PIP4K2A: variants seen among roughly 807,000 people sequenced by gnomAD.
PIP4K2A encodes phosphatidylinositol 5-phosphate 4-kinase type-2 alpha.
A neutral mutation model predicts 42.9 loss-of-function variants in PIP4K2A; 14 were observed. That is an observed-to-expected ratio of 0.33 (90% CI 0.22 to 0.51). The LOEUF (loss-of-function observed/expected upper bound fraction) is 0.51, where lower values mean the gene tolerates loss of function less well. PIP4K2A is among the 20% of genes least tolerant of loss of function. The probability of loss-of-function intolerance (pLI) is 0.97; values close to 1 mark genes in which losing one functional copy is unlikely to be tolerated. For missense variants in PIP4K2A, 434 were observed against 519.8 expected, an observed-to-expected ratio of 0.83 and a Z score of 1.61; for synonymous variants, 192 against 192.2, an observed-to-expected ratio of 1.00 and a Z score of 0.01.
intron 1 of PIP4K2A, among the ~76,000 whole-genome samples, chr10:22,646,022 T>G (rs1838874288): frequency 6.6e-6 from 1 of 152,182 alleles, no homozygotes; most frequent in Non-Finnish European, 1.5e-5. Flanking sequence ...GTGCCCAGCC[T>G]AATAATATAA....
chr10:22,550,657 A>C lies in PIP4K2A; in HGVS notation c.792+2T>G, dbSNP rs1836387949. 2.7e-6 allele frequency: 4 copies of C among 1,468,488 alleles called. No individual in the cohort carries two copies. Among genetic ancestry groups the C allele is most frequent in the Non-Finnish European group, 3.8e-6 (4 of 1,046,210 alleles). The allele number at this position is 1,468,488 out of a possible 1,614,324, so 91.0% of individuals were successfully genotyped here. On this transcript the variant is annotated splice_donor_variant, in intron 7 of 9. Transcript: ENST00000376573. LOFTEE classifies it high-confidence loss of function. The stretch of plus-strand genomic sequence containing the variant: ...TCTGGCCTCTCCACTGACTGTTCTT[A>C]CCTCAACATCCTTTTTTAGTTTTTC...
chr10:22,662,275 C>T (rs1839217055), intron 1 of PIP4K2A, among the ~76,000 whole-genome samples: 1 of 152,206 alleles, frequency 6.6e-6, no homozygotes, highest in Middle Eastern at 3.2e-3. Flanking sequence ...CCATCACTTA[C>T]ATCTATCTTC....
At chr10:22,712,375 T>G (rs1397845841) in intron 1 of PIP4K2A, among the ~76,000 whole-genome samples, 1 of 152,164 alleles carries the variant, frequency 6.6e-6, no homozygotes, top group East Asian at 1.9e-4. Context: ...AGCATATTGT[T>G]GACACTACCT....
At chr10:22,619,897 G>A (rs534724672) in intron 1 of PIP4K2A, among the ~76,000 whole-genome samples, 47 of 152,264 alleles carry the variant, frequency 3.1e-4, no homozygotes, top group African/African-American at 1.1e-3. Flanking sequence ...GCCAAATAAA[G>A]TTATTCTGAT....
intron 1 of PIP4K2A, among the ~76,000 whole-genome samples, chr10:22,616,594 C>T (rs1004976982): frequency 6.6e-6 from 1 of 152,100 alleles, no homozygotes; most frequent in East Asian, 1.9e-4. Flanking sequence ...TTTCAAATTC[C>T]TAACAGCCAG....
At chr10:22,679,102 C>T (rs1354604578) in intron 1 of PIP4K2A, among the ~76,000 whole-genome samples, 1 of 152,182 alleles carries the variant, frequency 6.6e-6, no homozygotes, top group African/African-American at 2.4e-5. Flanking sequence ...TCAAAATTTA[C>T]ACCTAATGCT....
chr10:22,542,559 G>A (rs1377303635), intron 7 of PIP4K2A, among the ~76,000 whole-genome samples: 1 of 152,198 alleles, frequency 6.6e-6, no homozygotes, highest in Non-Finnish European at 1.5e-5. Context: ...TCCACATCTG[G>A]TGAGTAATGC....
intron 1 of PIP4K2A, among the ~76,000 whole-genome samples, chr10:22,664,782 A>C (rs1324861815): frequency 6.6e-6 from 1 of 152,192 alleles, no homozygotes; most frequent in African/African-American, 2.4e-5. Flanking sequence ...TCTAGGTCTT[A>C]AAATATATTA....
At chr10:22,708,198 T>C (rs1588719171) in intron 1 of PIP4K2A, among the ~76,000 whole-genome samples, 1 of 152,198 alleles carries the variant, frequency 6.6e-6, no homozygotes, top group Non-Finnish European at 1.5e-5. Context: ...TTCCACTCAT[T>C]CACTCCTTAA....
chr10:22,574,671 C>T (rs987680068), intron 4 of PIP4K2A, among the ~76,000 whole-genome samples: 3 of 152,034 alleles, frequency 2.0e-5, no homozygotes, highest in Non-Finnish European at 4.4e-5. Context: ...ATGCCTCTTC[C>T]CTTTCTTTTT....
chr10:22,711,989 T>TC (rs1564475044), intron 1 of PIP4K2A, among the ~76,000 whole-genome samples: 1 of 152,204 alleles, frequency 6.6e-6, no homozygotes, highest in Non-Finnish European at 1.5e-5. Flanking sequence ...GATAAAAATA[T>TC]TAGAGGTGTT....
At chr10:22,595,860 G>A (rs1462811924) in intron 3 of PIP4K2A, among the ~76,000 whole-genome samples, 1 of 152,102 alleles carries the variant, frequency 6.6e-6, no homozygotes, top group Non-Finnish European at 1.5e-5. Context: ...TAAGCTTGGG[G>A]AGAGAACAGG....
chr10:22,552,047 T>C (rs113487930), intron 6 of PIP4K2A, among the ~76,000 whole-genome samples: 1,565 of 152,328 alleles, frequency 0.01, 29 homozygotes, highest in African/African-American at 0.036. Context: ...TTTTGCAACT[T>C]TGAATTAGAT....
At position 22,542,012 on chromosome 10, in the gene PIP4K2A, C is replaced by T; in HGVS notation, c.828G>A (p.Leu276=). 6.2e-7 allele frequency: 1 copy of T among 1,613,110 alleles called. No homozygotes were observed. The change falls in exon 8 of 10, where the codon CTG becomes CTA. Residue 276 remains leucine (L), a synonymous_variant. Coordinates refer to ENST00000376573, the MANE Select transcript of PIP4K2A (RefSeq NM_005028.5). ...TCTCCACATCATGAATTCCCACCAG[C>T]AGACTGTAGTCCATGAGCTTCAGCT... is the stretch of plus-strand genomic sequence containing the variant. The part of the protein sequence containing the change: ...LAQLKLMDYS[L]LVGIHDVERA...
At chr10:22,709,121 T>TAAA in intron 1 of PIP4K2A, among the ~76,000 whole-genome samples, 1 of 151,380 alleles carries the variant, frequency 6.6e-6, no homozygotes, top group African/African-American at 2.4e-5. Flanking sequence ...TTTTTTTTTT[T>TAAA]AAAAGTCCCC....
intron 1 of PIP4K2A, among the ~76,000 whole-genome samples, chr10:22,683,453 T>C (rs532988249): frequency 1.3e-5 from 2 of 152,290 alleles, no homozygotes; most frequent in South Asian, 2.1e-4. Flanking sequence ...AGTGTGGACT[T>C]AGCCGAGTCA....
chr10:22,612,502 C>T (rs1188841440), intron 1 of PIP4K2A, among the ~76,000 whole-genome samples: 3 of 152,050 alleles, frequency 2.0e-5, no homozygotes, highest in Non-Finnish European at 2.9e-5. Flanking sequence ...AGACAAGGTG[C>T]GTGGCATGAA....
At chr10:22,712,676 T>C (rs1300968683) in intron 1 of PIP4K2A, among the ~76,000 whole-genome samples, 1 of 152,238 alleles carries the variant, frequency 6.6e-6, no homozygotes, top group Non-Finnish European at 1.5e-5. Flanking sequence ...ATGCATGCTC[T>C]TGTAACAACT....
intron 1 of PIP4K2A, among the ~76,000 whole-genome samples, chr10:22,634,444 C>T (rs763252070): frequency 2.6e-5 from 4 of 152,294 alleles, no homozygotes; most frequent in Non-Finnish European, 4.4e-5. Flanking sequence ...AACTTTAGAA[C>T]GCTGTATCCG....
Sources: allele counts gnomAD v4.1 joint callset (sites outside exome capture counted in the v4.1 genomes callset), GRCh38; gene constraint gnomAD v4.1.1; transcripts MANE v1.5; gene names NCBI Gene and HGNC (gene_info 2026-07-23, HGNC 2026-07-21).